ZNF615: variants seen among roughly 807,000 people sequenced by gnomAD.
ZNF615 encodes the protein zinc finger protein 615.
ZNF615 carries 15 observed loss-of-function variants against 15.3 expected under a neutral mutation model. The ratio of observed to expected loss-of-function variants is 0.98; its 90% confidence interval spans 0.66 to 1.51. The LOEUF (loss-of-function observed/expected upper bound fraction) is 1.51. Ranked by LOEUF, ZNF615 falls within the 40% of genes most tolerant of loss-of-function variation. The probability of loss-of-function intolerance (pLI) is 0.00; values close to 1 mark genes in which losing one functional copy is unlikely to be tolerated. For synonymous variants in ZNF615, 268 were observed against 294.6 expected, an observed-to-expected ratio of 0.91 and a Z score of 0.92; for missense variants, 848 against 895.9, an observed-to-expected ratio of 0.95 and a Z score of 0.68.
In ZNF615 at chr19:51,993,944, C is replaced by T. The variant is rs548281526; in HGVS notation, c.1165G>A (p.Gly389Arg). Residue 389 changes from glycine to arginine, a missense_variant, in exon 7 of 7, where the codon GGG (glycine) becomes AGG (arginine). Physicochemically the swap from Gly to Arg is moderately radical, Grantham distance 125. Coordinates refer to ENST00000598071, the MANE Select transcript of ZNF615 (RefSeq NM_001199324.2). Reference sequence around the variant, plus strand: ...CTGTTCTTCAAGGTGAAGCCTTTCCCACATTTATTGCATATAAAGGGTTTC... The same window carrying T: ...CTGTTCTTCAAGGTGAAGCCTTTCCTACATTTATTGCATATAAAGGGTTTC... Reference protein sequence around the residue: ...GEKPFICNKCGKGFTLKNSLI... With the variant: ...GEKPFICNKCRKGFTLKNSLI... The T allele has an allele frequency of 1.9e-6, 3 of 1,614,152 alleles. No homozygotes were observed. Among genetic ancestry groups the T allele is most frequent in the South Asian group, 2.2e-5 (2 of 91,078 alleles).
Position 51,992,660 on chromosome 19 carries a change from T to C in ZNF615, c.*220A>G. On this transcript the variant is annotated 3_prime_UTR_variant, in exon 7 of 7. Coordinates refer to ENST00000598071, the MANE Select transcript of ZNF615 (RefSeq NM_001199324.2). The stretch of plus-strand genomic sequence containing the variant: ...GGGGGTTTATCTTCCCACCAAAGGC[T>C]TTTATAGTCTGCCACATTCATAGGA... 1 of 565,796 alleles carries C rather than the reference T, an allele frequency of 1.8e-6. No homozygotes were observed. Among genetic ancestry groups the C allele is most frequent in the Non-Finnish European group, 3.1e-6 (1 of 326,382 alleles). 35.0% of individuals were successfully genotyped at this position (565,796 alleles called of 1,614,324 possible). A position where few individuals can be genotyped will look rare whatever the true frequency, so the allele number is the denominator to read the frequency against.
chr19:51,992,695 G>C lies in ZNF615; in HGVS notation c.*185C>G. ...TGCCACATTCATAGGATTTTTCTCA[G>C]TATACAATTTTTAGACATAATGTCC... On this transcript the variant is annotated 3_prime_UTR_variant, in exon 7 of 7. Coordinates refer to ENST00000598071, the MANE Select transcript of ZNF615 (RefSeq NM_001199324.2). 2 of 729,058 alleles carry C rather than the reference G, an allele frequency of 2.7e-6. No individual in the cohort carries two copies. Among genetic ancestry groups the C allele is most frequent in the Non-Finnish European group, 4.4e-6 (2 of 451,030 alleles). 45.2% of individuals were successfully genotyped at this position (729,058 alleles called of 1,614,324 possible).
intron 6 of ZNF615, among the ~76,000 whole-genome samples, chr19:51,995,317 T>G (rs917084548): frequency 1.3e-5 from 2 of 152,178 alleles, no homozygotes; most frequent in African/African-American, 4.8e-5. Context: ...TCACAATGTA[T>G]ATAGATTTGG....
intron 6 of ZNF615, among the ~76,000 whole-genome samples, chr19:51,995,132 C>T (rs1272837704): frequency 6.6e-6 from 1 of 152,066 alleles, no homozygotes; most frequent in Non-Finnish European, 1.5e-5. Flanking sequence ...AAAGGAAACT[C>T]CATGTATAAA....
At chr19:52,000,170 A>G (rs918849904) in intron 6 of ZNF615, 176 bp downstream of exon 6, 1 of 402,896 alleles carries the variant, frequency 2.5e-6, no homozygotes, top group Non-Finnish European at 4.4e-6. Flanking sequence ...AGAGCTAAAC[A>G]TTGGGAACAC....
chr19:52,002,086 G>A, intron 4 of ZNF615, 69 bp downstream of exon 4: 3 of 1,614,126 alleles, frequency 1.9e-6, no homozygotes, highest in Non-Finnish European at 2.5e-6. Context: ...GAGTACTGCA[G>A]GTAAGCAGCT....
chr19:52,001,478 C>T (rs552847100), intron 5 of ZNF615, among the ~76,000 whole-genome samples: 20 of 151,942 alleles, frequency 1.3e-4, no homozygotes, highest in South Asian at 4.2e-4. Flanking sequence ...ATTAGCTGGG[C>T]GTGGTGGTAC....
At chr19:51,999,739 T>A (rs1284693555) in intron 6 of ZNF615, among the ~76,000 whole-genome samples, 1 of 152,194 alleles carries the variant, frequency 6.6e-6, no homozygotes, top group Non-Finnish European at 1.5e-5. Flanking sequence ...ATGAAGGAAG[T>A]AATTTGCAGC....
chr19:51,998,937 G>A (rs560449923), intron 6 of ZNF615, among the ~76,000 whole-genome samples: 1 of 152,280 alleles, frequency 6.6e-6, no homozygotes, highest in South Asian at 2.1e-4. Context: ...TTACAGGCAT[G>A]AGCCACCGCG....
At chr19:51,998,689 T>C (rs2086510463) in intron 6 of ZNF615, among the ~76,000 whole-genome samples, 1 of 152,018 alleles carries the variant, frequency 6.6e-6, no homozygotes, top group South Asian at 2.1e-4. Context: ...GCAGGGGGGT[T>C]TGTCATCCAG....
In ZNF615 at chr19:51,994,312, G is replaced by A; in HGVS notation, c.797C>T (p.Thr266Ile). The A allele has an allele frequency of 1.9e-6, 3 of 1,614,106 alleles. No homozygotes were observed. Among genetic ancestry groups the A allele is most frequent in the East Asian group, 2.2e-5 (1 of 44,880 alleles). Residue 266 changes from threonine (T) to isoleucine (I), a missense_variant, in exon 7 of 7, where the codon ACA (threonine) becomes ATA (isoleucine). Coordinates refer to ENST00000598071, the MANE Select transcript of ZNF615 (RefSeq NM_001199324.2). ...AGTGCATTCATAATGTTTCAGTTCTGTATGAGTTCTCTGATGGTCCATTAG... is the reference window on the plus strand; with the variant it reads ...AGTGCATTCATAATGTTTCAGTTCTATATGAGTTCTCTGATGGTCCATTAG... ...SRLMDHQRTH[T>I]ELKHYECTEC...
At chr19:52,002,721 T>C (rs900552979) in intron 3 of ZNF615, among the ~76,000 whole-genome samples, 5 of 152,192 alleles carry the variant, frequency 3.3e-5, no homozygotes, top group Admixed American at 3.3e-4. Flanking sequence ...ATGGTTAACA[T>C]AGTTAACCAT....
Position 51,993,919 on chromosome 19 carries a change from C to A in ZNF615, c.1190G>T (p.Ser397Ile), listed in dbSNP as rs1381880887. 1 of 1,614,118 alleles carries A rather than the reference C, an allele frequency of 6.2e-7. No individual in the cohort carries two copies. The highest frequency in any genetic ancestry group is 2.2e-5 in the East Asian group (1 of 44,880). Reference sequence around the variant, plus strand: ...ATGAGTTTGCTGATGTGTGATAAGACTGTTCTTCAAGGTGAAGCCTTTCCC... The same window carrying A: ...ATGAGTTTGCTGATGTGTGATAAGAATGTTCTTCAAGGTGAAGCCTTTCCC... ...KCGKGFTLKN[S>I]LITHQQTHTG... is the part of the protein sequence containing the mutation. The change falls in exon 7 of 7, where the codon AGT (serine) becomes ATT (isoleucine). Residue 397 changes from serine (S) to isoleucine (I), a missense_variant. By Grantham distance (142) the Ser-to-Ile change is moderately radical. Transcript: ENST00000598071.
chr19:52,003,889 A>G lies in ZNF615; in HGVS notation c.-178T>C. ...CCTTCACTTGATTTCTCTTGTTCTC[A>G]GCACCTGTGGGCTGAAGAGCAAATT... On this transcript the variant is annotated 5_prime_UTR_variant, in exon 3 of 7. Coordinates refer to ENST00000598071, the MANE Select transcript of ZNF615 (RefSeq NM_001199324.2). 7.1e-7 allele frequency: 1 copy of G among 1,417,288 alleles called. No homozygotes were observed. 87.8% of individuals were successfully genotyped at this position (1,417,288 alleles called of 1,614,324 possible). A position where few individuals can be genotyped will look rare whatever the true frequency, so the allele number is the denominator to read the frequency against.
At chr19:52,001,690 GGAA>G in intron 5 of ZNF615, 120 bp downstream of exon 5, 1 of 711,054 alleles carries the variant, frequency 1.4e-6, no homozygotes, top group Non-Finnish European at 2.5e-6. Context: ...CTCTTCCTTG[GGAA>G]GAAGGAGTGA....
chr19:52,007,910 C>CT (rs1362866513), intron 1 of ZNF615: 1 of 510,448 alleles, frequency 2.0e-6, no homozygotes, highest in Non-Finnish European at 3.5e-6. Context: ...GACCCTGTGA[C>CT]TGGTCCCAGA....
rs935149456 is a variant in ZNF615 at position 52,007,182 on chromosome 19, A to G, written c.-190+111T>C. ...AATATAAAGCGAAAAAGATAATAGTACCATTTACATAATTTATCTGAATTA... is the reference window on the plus strand; with the variant it reads ...AATATAAAGCGAAAAAGATAATAGTGCCATTTACATAATTTATCTGAATTA... On this transcript the variant is annotated intron_variant, in intron 2 of 6. Coordinates refer to ENST00000598071, the MANE Select transcript of ZNF615 (RefSeq NM_001199324.2). 16 of 582,270 alleles carry G rather than the reference A, an allele frequency of 2.7e-5. No homozygotes were observed. In the African/African-American group the frequency reaches 2.9e-4, roughly 11 times the overall value. The allele number at this position is 582,270 out of a possible 1,614,324, so 36.1% of individuals were successfully genotyped here.
At chr19:52,001,770 C>T (rs576252732) in intron 5 of ZNF615, 43 bp downstream of exon 5, 2 of 1,553,788 alleles carry the variant, frequency 1.3e-6, no homozygotes, top group African/African-American at 2.7e-5. Context: ...GTGGGCAGAA[C>T]ATGGTGTCTG....
At chr19:51,996,407 A>AAAC (rs755143397) in intron 6 of ZNF615, among the ~76,000 whole-genome samples, 153 of 138,250 alleles carry the variant, frequency 1.1e-3, no homozygotes, top group South Asian at 3.8e-3. Context: ...AAAAAAAAAA[A>AAAC]ACGCAAAACT....
Sources: allele counts gnomAD v4.1 joint callset (sites outside exome capture counted in the v4.1 genomes callset), GRCh38; gene constraint gnomAD v4.1.1; transcripts MANE v1.5; gene names NCBI Gene and HGNC (gene_info 2026-07-23, HGNC 2026-07-21).